CUX1: variants seen among roughly 807,000 people sequenced by gnomAD.
CUX1 encodes the protein cut like homeobox 1.
In CUX1, 31 loss-of-function variants were observed where a neutral mutation model predicts 158.8. The ratio of observed to expected loss-of-function variants is 0.20; its 90% CI spans 0.15 to 0.26. The LOEUF (loss-of-function observed/expected upper bound fraction) is 0.26, where lower values mean the gene tolerates loss of function less well. Ranked by LOEUF, CUX1 falls within the 10% of genes least tolerant of loss-of-function variation. The pLI is 1.00. For synonymous variants in CUX1, 879 were observed against 862.1 expected, an observed-to-expected ratio of 1.02 and a Z score of -0.34; for missense variants, 1,589 against 2,014.6, an observed-to-expected ratio of 0.79 and a Z score of 4.04.
chr7:101,818,666 T>G (rs1260679934), intron 1 of CUX1, among the ~76,000 whole-genome samples: 2 of 152,180 alleles, frequency 1.3e-5, no homozygotes, highest in Non-Finnish European at 2.9e-5. Flanking sequence ...TTTTGGTGGT[T>G]GCTAACGATT....
intron 8 of CUX1, among the ~76,000 whole-genome samples, chr7:102,117,504 A>C (rs1831556034): frequency 6.6e-6 from 1 of 151,198 alleles, no homozygotes; most frequent in African/African-American, 2.4e-5. Flanking sequence ...TGAATGAGCC[A>C]GAGCGGGGAA....
At chr7:102,025,591 G>A (rs1819917985) in intron 2 of CUX1, among the ~76,000 whole-genome samples, 1 of 151,912 alleles carries the variant, frequency 6.6e-6, no homozygotes, top group African/African-American at 2.4e-5. Flanking sequence ...TCATGCCACT[G>A]TACTCCAGCC....
chr7:102,102,503 C>T (rs407349), intron 5 of CUX1, among the ~76,000 whole-genome samples: 1 of 151,086 alleles, frequency 6.6e-6, no homozygotes, highest in African/African-American at 2.4e-5. Context: ...GTGTTTTGCT[C>T]CTGCTCTGGC....
intron 2 of CUX1, among the ~76,000 whole-genome samples, chr7:101,986,473 C>T (rs1253275393): frequency 6.6e-6 from 1 of 152,224 alleles, no homozygotes. Flanking sequence ...GCTGGCAGCC[C>T]TTCCTGAATG....
chr7:102,234,507 G>A (rs1485932598), intron 22 of CUX1, among the ~76,000 whole-genome samples: 2 of 152,174 alleles, frequency 1.3e-5, no homozygotes, highest in African/African-American at 4.8e-5. Flanking sequence ...AAACAGCTCT[G>A]GGGGCGCTGC....
At chr7:101,983,433 G>A (rs1025539404) in intron 2 of CUX1, among the ~76,000 whole-genome samples, 2 of 152,134 alleles carry the variant, frequency 1.3e-5, no homozygotes, top group African/African-American at 2.4e-5. Flanking sequence ...TTTCCTCTGT[G>A]CCCACCCTGG....
intron 4 of CUX1, among the ~76,000 whole-genome samples, chr7:102,093,226 TA>T (rs10570840): frequency 0.02 from 2,830 of 139,404 alleles, 40 homozygotes; most frequent in African/African-American, 0.04. Context: ...CCTATCTCTT[TA>T]AAAAAAAAAA....
intron 2 of CUX1, among the ~76,000 whole-genome samples, chr7:102,014,410 C>A (rs545699667): frequency 5.5e-4 from 84 of 152,322 alleles, no homozygotes; most frequent in African/African-American, 2.0e-3. Context: ...AATTAGACTT[C>A]TTTTTAGATA....
At chr7:101,937,442 A>T (rs764128696) in intron 2 of CUX1, among the ~76,000 whole-genome samples, 3 of 152,078 alleles carry the variant, frequency 2.0e-5, no homozygotes, top group Non-Finnish European at 4.4e-5. Context: ...GAGTCCCTGG[A>T]AGTGGGGTGT....
At chr7:102,095,253 G>A (rs997134681) in intron 4 of CUX1, among the ~76,000 whole-genome samples, 6 of 151,902 alleles carry the variant, frequency 3.9e-5, no homozygotes, top group Admixed American at 2.0e-4. Flanking sequence ...CAAGCAATCC[G>A]GCCACCCTCG....
chr7:101,879,728 C>T (rs764192066), intron 1 of CUX1, among the ~76,000 whole-genome samples: 1 of 152,266 alleles, frequency 6.6e-6, no homozygotes, highest in Non-Finnish European at 1.5e-5. Flanking sequence ...CCCTGGGTGC[C>T]GTGCGGCCCG....
At chr7:102,238,398 G>T (rs1799823097) in intron 22 of CUX1, among the ~76,000 whole-genome samples, 1 of 152,190 alleles carries the variant, frequency 6.6e-6, no homozygotes, top group African/African-American at 2.4e-5. Context: ...TTGTCTTCTG[G>T]TCACTCCTCA....
intron 1 of CUX1, among the ~76,000 whole-genome samples, chr7:101,861,932 T>C (rs1186104863): frequency 6.6e-6 from 1 of 152,018 alleles, no homozygotes; most frequent in Non-Finnish European, 1.5e-5. Flanking sequence ...CCTCCCGGGT[T>C]CAAGCGATTC....
At chr7:102,082,218 C>A (rs1554479016) in intron 4 of CUX1, among the ~76,000 whole-genome samples, 1 of 146,844 alleles carries the variant, frequency 6.8e-6, no homozygotes, top group Non-Finnish European at 1.5e-5. Flanking sequence ...TGCTTATGCA[C>A]CCCAAGAGTA....
chr7:101,834,266 T>C (rs188736863), intron 1 of CUX1, among the ~76,000 whole-genome samples: 170 of 142,014 alleles, frequency 1.2e-3, no homozygotes, highest in Non-Finnish European at 2.0e-3. Context: ...CTCCGCCTCC[T>C]GGGTTCAAGC....
chr7:102,008,508 G>T (rs972924437), intron 2 of CUX1, among the ~76,000 whole-genome samples: 9 of 152,088 alleles, frequency 5.9e-5, no homozygotes, highest in Admixed American at 4.6e-4. Context: ...TATTTCGGTC[G>T]TGTGCGTGTC....
chr7:102,213,453 C>T lies in CUX1; in HGVS notation c.3130+8283C>T, dbSNP rs184138913. Among the ~76,000 whole-genome samples the T allele has an allele frequency of 2.1e-3, 322 of 152,308 alleles. 2 individuals are homozygous for T. The highest frequency in any genetic ancestry group is 3.3e-3 in the Non-Finnish European group (227 of 68,028). On this transcript the variant is annotated intron_variant, in intron 20 of 23. Transcript: ENST00000292535. ...CCAGGCCAACTAGGCTAGACACAGC[C>T]GGCGAGGCTGAGGGCTCACATAACT...
intron 2 of CUX1, among the ~76,000 whole-genome samples, chr7:101,947,587 T>C (rs926107268): frequency 2.0e-5 from 3 of 152,096 alleles, no homozygotes; most frequent in African/African-American, 7.2e-5. Flanking sequence ...ATGAATTCCA[T>C]CTTAAATCTC....
chr7:102,040,893 G>A (rs1248364588), intron 3 of CUX1, among the ~76,000 whole-genome samples: 6 of 152,164 alleles, frequency 3.9e-5, no homozygotes, highest in African/African-American at 1.2e-4. Flanking sequence ...AAGGAGCTCC[G>A]TAGCTCTGAA....
Sources: gnomAD v4.1 joint callset for allele counts (sites outside exome capture counted in the v4.1 genomes callset) on GRCh38, gnomAD v4.1.1 for gene constraint, MANE v1.5 for transcripts, NCBI Gene and HGNC (gene_info 2026-07-23, HGNC 2026-07-21) for gene names.